The following RBMS3 variants were observed in gnomAD, a reference collection of about 807,000 sequenced individuals.
RBMS3 encodes the protein RNA-binding motif, single-stranded-interacting protein 3.
Under a neutral mutation model 66.8 loss-of-function variants are expected in RBMS3, and 27 were observed. The observed-to-expected ratio is 0.40, with a 90% confidence interval of 0.30 to 0.56. The LOEUF is 0.56. Among genes scored for constraint, RBMS3 ranks in the 20% least tolerant of loss-of-function variants. The pLI is 0.40. For synonymous variants in RBMS3, 188 were observed against 183.0 expected, an observed-to-expected ratio of 1.03 and a Z score of -0.22; for missense variants, 513 against 549.5, an observed-to-expected ratio of 0.93 and a Z score of 0.66.
At chr3:29,896,728 T>C (rs1243037759) in intron 8 of RBMS3, among the ~76,000 whole-genome samples, 1 of 151,590 alleles carries the variant, frequency 6.6e-6, no homozygotes, top group Non-Finnish European at 1.5e-5. Flanking sequence ...CCTGATCTTG[T>C]AGCATTCTAC....
intron 1 of RBMS3, among the ~76,000 whole-genome samples, chr3:29,397,115 C>T (rs1191488087): frequency 6.6e-6 from 1 of 152,132 alleles, no homozygotes; most frequent in African/African-American, 2.4e-5. Flanking sequence ...AACTTCAAAT[C>T]ATTTCGTAAA....
At chr3:29,909,149 G>A (rs1431907828) in intron 10 of RBMS3, among the ~76,000 whole-genome samples, 3 of 152,096 alleles carry the variant, frequency 2.0e-5, no homozygotes, top group African/African-American at 7.2e-5. Flanking sequence ...ATTAGAGAAC[G>A]AGGGAAATAT....
Position 29,453,756 on chromosome 3 carries a change from G to A in RBMS3, c.248+18841G>A, listed in dbSNP as rs572343069. On this transcript the variant is annotated intron_variant, in intron 2 of 14. Coordinates refer to ENST00000383767, the MANE Select transcript of RBMS3 (RefSeq NM_001003793.3). ...CAGAGCATGCTTGCACTAGAGGCTG[G>A]CTGGAAGAGGGCAGAATCAATATGA... Among the ~76,000 whole-genome samples, 211 of 152,334 alleles carry A rather than the reference G, an allele frequency of 1.4e-3. 1 individual carries two copies. The highest frequency in any genetic ancestry group is 4.7e-3 in the African/African-American group (197 of 41,584).
At chr3:29,364,429 T>G (rs2037782344) in intron 1 of RBMS3, among the ~76,000 whole-genome samples, 1 of 152,166 alleles carries the variant, frequency 6.6e-6, no homozygotes, top group Non-Finnish European at 1.5e-5. Context: ...ATAAACACAG[T>G]ATGTCTTATC....
At chr3:29,420,697 C>G (rs1575766951) in intron 1 of RBMS3, among the ~76,000 whole-genome samples, 1 of 151,938 alleles carries the variant, frequency 6.6e-6, no homozygotes, top group African/African-American at 2.4e-5. Context: ...TTTGATTCCC[C>G]ACTTCTTGCA....
chr3:29,920,112 A>C (rs1415416242), intron 10 of RBMS3, among the ~76,000 whole-genome samples: 1 of 152,184 alleles, frequency 6.6e-6, no homozygotes. Context: ...AGTAATAAGA[A>C]GCAAGATCCT....
chr3:29,375,171 AC>A (rs1198811684), intron 1 of RBMS3, among the ~76,000 whole-genome samples: 3 of 152,234 alleles, frequency 2.0e-5, no homozygotes, highest in African/African-American at 7.2e-5. Context: ...GAAAATTGAA[AC>A]TGGACCCCTT....
chr3:29,488,840 A>T (rs1051821249), intron 3 of RBMS3, among the ~76,000 whole-genome samples: 1 of 152,206 alleles, frequency 6.6e-6, no homozygotes, highest in African/African-American at 2.4e-5. Flanking sequence ...CTCTGGGGAA[A>T]ACTTCCCCAT....
chr3:29,604,306 C>T (rs1350963714), intron 4 of RBMS3, among the ~76,000 whole-genome samples: 3 of 151,900 alleles, frequency 2.0e-5, no homozygotes, highest in African/African-American at 2.4e-5. Flanking sequence ...ATTGGAAACA[C>T]CATTTTTAAT....
At chr3:29,672,483 C>A (rs527763888) in intron 4 of RBMS3, among the ~76,000 whole-genome samples, 2 of 152,164 alleles carry the variant, frequency 1.3e-5, no homozygotes, top group Admixed American at 1.3e-4. Context: ...TTAAAAGACA[C>A]AGACTTGCAA....
At chr3:29,908,805 A>G (rs770198702) in intron 10 of RBMS3, among the ~76,000 whole-genome samples, 1 of 152,172 alleles carries the variant, frequency 6.6e-6, no homozygotes, top group Non-Finnish European at 1.5e-5. Context: ...GAGAGAAAAT[A>G]AGAAATAATT....
At chr3:29,739,996 A>G (rs1356780010) in intron 5 of RBMS3, 119 bp downstream of exon 5, 4 of 836,122 alleles carry the variant, frequency 4.8e-6, no homozygotes, top group Non-Finnish European at 6.8e-6. Flanking sequence ...AAAAATTAAA[A>G]GTAGCTTATC....
chr3:29,592,901 C>T (rs937709918), intron 4 of RBMS3, among the ~76,000 whole-genome samples: 2 of 151,140 alleles, frequency 1.3e-5, no homozygotes, highest in Non-Finnish European at 2.9e-5. Flanking sequence ...AGCAAACTAT[C>T]GCAAGGACAA....
At chr3:29,702,206 A>G (rs2052634503) in intron 4 of RBMS3, among the ~76,000 whole-genome samples, 1 of 145,422 alleles carries the variant, frequency 6.9e-6, no homozygotes, top group Non-Finnish European at 1.5e-5. Flanking sequence ...TAGCTAAAGG[A>G]TTGTAAATCC....
intron 1 of RBMS3, among the ~76,000 whole-genome samples, chr3:29,377,433 C>T (rs1343064524): frequency 5.3e-5 from 8 of 152,096 alleles, no homozygotes; most frequent in African/African-American, 1.2e-4. Context: ...GGCCAAACTG[C>T]GATTAATTTT....
At chr3:29,542,857 A>G (rs777565721) in intron 3 of RBMS3, among the ~76,000 whole-genome samples, 3 of 152,248 alleles carry the variant, frequency 2.0e-5, no homozygotes, top group Non-Finnish European at 4.4e-5. Flanking sequence ...TAAAAAGATC[A>G]GAGAATCTCT....
intron 1 of RBMS3, among the ~76,000 whole-genome samples, chr3:29,333,247 T>G (rs1559495385): frequency 6.6e-6 from 1 of 152,212 alleles, no homozygotes; most frequent in Non-Finnish European, 1.5e-5. Context: ...TGTATTTCTT[T>G]CATGGCATAA....
At chr3:29,333,372 T>C (rs7641785) in intron 1 of RBMS3, among the ~76,000 whole-genome samples, 87,793 of 151,872 alleles carry the variant, frequency 0.58, 25,544 homozygotes, top group Admixed American at 0.63. Context: ...CACTATAATG[T>C]AGCATCAGCA....
chr3:29,405,752 T>G (rs2039992949), intron 1 of RBMS3, among the ~76,000 whole-genome samples: 1 of 152,200 alleles, frequency 6.6e-6, no homozygotes, highest in Admixed American at 6.5e-5. Flanking sequence ...TTATCTATAC[T>G]TGCAGTTATT....
Sources: gnomAD v4.1 joint callset for allele counts (sites outside exome capture counted in the v4.1 genomes callset) on GRCh38, gnomAD v4.1.1 for gene constraint, MANE v1.5 for transcripts, NCBI Gene and HGNC (gene_info 2026-07-23, HGNC 2026-07-21) for gene names.